The following ZNF709 variants were observed in gnomAD, a reference collection of about 807,000 sequenced individuals.
ZNF709 encodes zinc finger protein 709.
Under a neutral mutation model 10.6 loss-of-function variants are expected in ZNF709, and 15 were observed. The ratio of observed to expected loss-of-function variants is 1.41; its 90% CI spans 0.95 to 2.18. ZNF709 has a LOEUF of 2.18. Ranked by LOEUF, ZNF709 falls within the 30% of genes most tolerant of loss-of-function variation. The probability of loss-of-function intolerance (pLI) is 0.00; values close to 1 mark genes in which losing one functional copy is unlikely to be tolerated. For synonymous variants in ZNF709, 194 were observed against 238.8 expected (o/e 0.81, Z 1.73); for missense variants, 589 against 774.0 (o/e 0.76, Z 2.84).
At chr19:12,478,729 C>T (rs1447374982) in intron 1 of ZNF709, among the ~76,000 whole-genome samples, 2 of 152,212 alleles carry the variant, frequency 1.3e-5, no homozygotes, top group Admixed American at 6.5e-5. Flanking sequence ...AAGAAAGCCT[C>T]CTGGCCTGGG....
intron 1 of ZNF709, among the ~76,000 whole-genome samples, chr19:12,471,687 C>A (rs934592604): frequency 3.9e-5 from 6 of 152,220 alleles, no homozygotes; most frequent in Admixed American, 2.6e-4. Flanking sequence ...GATAGAGCAA[C>A]CATTGTAGGG....
At chr19:12,467,968 G>C (rs1367947610) in intron 1 of ZNF709, among the ~76,000 whole-genome samples, 1 of 150,554 alleles carries the variant, frequency 6.6e-6, no homozygotes. Flanking sequence ...CGCCCCGTCC[G>C]GGAGGGAGGT....
chr19:12,463,806 T>C lies in ZNF709; in HGVS notation c.*190A>G, dbSNP rs1161977202. The C allele has an allele frequency of 2.3e-6, 1 of 428,198 alleles. No individual in the cohort carries two copies. Among genetic ancestry groups the C allele is most frequent in the Non-Finnish European group, 4.0e-6 (1 of 249,632 alleles). 26.5% of individuals were successfully genotyped at this position (428,198 alleles called of 1,614,324 possible). On this transcript the variant is annotated 3_prime_UTR_variant, in exon 4 of 4. Coordinates refer to ENST00000397732, the MANE Select transcript of ZNF709 (RefSeq NM_152601.4). Reference sequence around the variant, plus strand: ...AGTGGGCATGGTCGTTCACACCTGTTGTCCCAGCTACTCAGGAAGCTGAGG... The same window carrying C: ...AGTGGGCATGGTCGTTCACACCTGTCGTCCCAGCTACTCAGGAAGCTGAGG...
At position 12,463,987 on chromosome 19, in the gene ZNF709, T is replaced by C. The variant is rs1340170499; in HGVS notation, c.*9A>G. 1 of 1,402,890 alleles carries C rather than the reference T, an allele frequency of 7.1e-7. No individual in the cohort carries two copies. The highest frequency in any genetic ancestry group is 1.5e-5 in the African/African-American group (1 of 68,620). 86.9% of individuals were successfully genotyped at this position (1,402,890 alleles called of 1,614,324 possible). On this transcript the variant is annotated 3_prime_UTR_variant, in exon 4 of 4. Transcript: ENST00000397732. ...TGAAAACTTTGCCATATTGCTTATA[T>C]ACATAGGGTTACTCTCCACTATGAA...
chr19:12,480,511 G>A (rs181441736), intron 1 of ZNF709, among the ~76,000 whole-genome samples: 90 of 152,058 alleles, frequency 5.9e-4, no homozygotes, highest in African/African-American at 2.0e-3. Flanking sequence ...GTGAAACCCC[G>A]TCTCTACTAA....
intron 1 of ZNF709, among the ~76,000 whole-genome samples, chr19:12,469,699 G>A (rs879300917): frequency 6.6e-6 from 1 of 152,022 alleles, no homozygotes; most frequent in Non-Finnish European, 1.5e-5. Flanking sequence ...AACCTGGGAG[G>A]CAGAGCTTGC....
In ZNF709 at chr19:12,465,711, A is replaced by G. The variant is rs201224320; in HGVS notation, c.211T>C (p.Cys71Arg). 25 of 1,594,396 alleles carry G rather than the reference A, an allele frequency of 1.6e-5. No homozygotes were observed. The highest frequency in any genetic ancestry group is 2.0e-5 in the Non-Finnish European group (24 of 1,173,106). The change falls in exon 4 of 4, where the codon TGT (cysteine) becomes CGT (arginine). Residue 71 changes from cysteine (C) to arginine (R), a missense_variant. By Grantham distance (180) the Cys-to-Arg change is radical. Around this residue, in one of 2 missense-constraint regions of ZNF709, gnomAD observed 418 missense variants for 496.3 expected, o/e 0.84. Coordinates refer to ENST00000397732, the MANE Select transcript of ZNF709 (RefSeq NM_152601.4). ...KLRSHMVERLCERKEGSQFGE... is the reference protein window; with the variant it reads ...KLRSHMVERLRERKEGSQFGE... ...AACTGACTACCTTCTTTCCTTTCAC[A>G]GAGCCTCTCTACCATATGACTTCTG...
At chr19:12,466,372 CTTAT>C (rs752076620) in intron 3 of ZNF709, 86 bp downstream of exon 3, 26 of 1,269,250 alleles carry the variant, frequency 2.0e-5, no homozygotes, top group South Asian at 2.8e-5. Flanking sequence ...TGAAATGGGG[CTTAT>C]TTGTTTCAAT....
rs781441952 is a variant in ZNF709 at position 12,465,576 on chromosome 19, A to G, written c.346T>C (p.Ser116Pro). The change falls in exon 4 of 4, where the codon TCT becomes CCT. Residue 116 changes from serine (S) to proline (P), a missense_variant. Physicochemically the swap from Ser to Pro is moderately conservative, Grantham distance 74. Coordinates refer to ENST00000397732, the MANE Select transcript of ZNF709 (RefSeq NM_152601.4). The part of the protein sequence containing the change: ...VCGKDYMCHS[S>P]LNRHMRSHTE... ...TGAGATCTCATGTGCCTATTAAGAG[A>G]TGAATGACACATATAGTCCTTTCCA... 13 of 1,613,922 alleles carry G rather than the reference A, an allele frequency of 8.1e-6. No homozygotes were observed. The highest frequency in any genetic ancestry group is 1.1e-5 in the Non-Finnish European group (13 of 1,179,988).
intron 1 of ZNF709, among the ~76,000 whole-genome samples, chr19:12,471,436 T>C (rs1027155243): frequency 6.6e-6 from 1 of 152,162 alleles, no homozygotes; most frequent in African/African-American, 2.4e-5. Flanking sequence ...AATAGACTTA[T>C]AAAATTCTAC....
intron 1 of ZNF709, among the ~76,000 whole-genome samples, chr19:12,472,580 C>T (rs955784347): frequency 6.9e-6 from 1 of 144,984 alleles, no homozygotes; most frequent in African/African-American, 2.6e-5. Context: ...GATGACACAC[C>T]ATATATATGA....
At chr19:12,483,408 C>T (rs1970748074) in intron 1 of ZNF709, among the ~76,000 whole-genome samples, 1 of 151,668 alleles carries the variant, frequency 6.6e-6, no homozygotes, top group Admixed American at 6.6e-5. Flanking sequence ...CCTGACTCAG[C>T]CTCCCAAAGT....
rs753066210 is a variant in ZNF709 at position 12,464,772 on chromosome 19, G to A, written c.1150C>T (p.Arg384Ter). ...TAGGGTTTCTCTCCAGTGTGAGTTC[G>A]TTCATGGATTTGAAAAGAACTAGGA... ...DCPSSFQIHE[R>*]THTGEKPYEC... Residue 384 changes from arginine to a stop codon, truncating the protein, a stop_gained, in exon 4 of 4, where the codon CGA becomes TGA. Coordinates refer to ENST00000397732, the MANE Select transcript of ZNF709 (RefSeq NM_152601.4). LOFTEE classifies it low-confidence loss of function (END_TRUNC). 6 of 1,608,986 alleles carry A rather than the reference G, an allele frequency of 3.7e-6. No homozygotes were observed. Among genetic ancestry groups the A allele is most frequent in the Non-Finnish European group, 3.4e-6 (4 of 1,177,950 alleles).
intron 1 of ZNF709, 148 bp from the exon 2 acceptor site, chr19:12,466,998 C>A (rs1431704321): frequency 8.2e-7 from 1 of 1,218,398 alleles, no homozygotes; most frequent in African/African-American, 1.5e-5. Flanking sequence ...ACACTTACTT[C>A]TTCATAAATT....
At chr19:12,481,636 A>G (rs1970727729) in intron 1 of ZNF709, among the ~76,000 whole-genome samples, 1 of 152,162 alleles carries the variant, frequency 6.6e-6, no homozygotes, top group Admixed American at 6.6e-5. Flanking sequence ...CACATATGGA[A>G]TAACATTAAA....
intron 1 of ZNF709, among the ~76,000 whole-genome samples, chr19:12,479,630 G>C (rs1261111136): frequency 6.6e-6 from 1 of 152,134 alleles, no homozygotes; most frequent in African/African-American, 2.4e-5. Context: ...TAGCACTTTG[G>C]GAGACCAAGG....
Position 12,466,641 on chromosome 19 carries a change from C to G in ZNF709, c.130+83G>C, listed in dbSNP as rs117413178. 13,259 of 1,607,848 alleles carry G rather than the reference C, an allele frequency of 8.2e-3. 80 individuals carry two copies. The highest frequency in any genetic ancestry group is 0.023 in the Middle Eastern group (139 of 6,044). On this transcript the variant is annotated intron_variant, in intron 2 of 3. Coordinates refer to ENST00000397732, the MANE Select transcript of ZNF709 (RefSeq NM_152601.4). ...TATTTACCAAAGTATTCCCTTTCAA[C>G]ATTCTAAACCTTGGAACCTTGCTGA...
At chr19:12,473,004 A>G (rs1599634368) in intron 1 of ZNF709, among the ~76,000 whole-genome samples, 1 of 152,266 alleles carries the variant, frequency 6.6e-6, no homozygotes, top group African/African-American at 2.4e-5. Flanking sequence ...ACTCCCAAGT[A>G]TTGATGACCA....
chr19:12,480,662 G>A lies in ZNF709; in HGVS notation c.3+3993C>T, dbSNP rs143871114. ...CGCGCCACTGCACTCTAGCCTGGGC[G>A]ACAGAGCAAGACTCCGTCTCAAAAA... On this transcript the variant is annotated intron_variant, in intron 1 of 3. Transcript: ENST00000397732. 7.6e-3 allele frequency among the ~76,000 whole-genome samples: 1,097 copies of A among 144,536 alleles called. 8 individuals carry two copies. The highest frequency in any genetic ancestry group is 0.048 in the Middle Eastern group (13 of 272). 94.8% of individuals were successfully genotyped at this position (144,536 alleles called of 152,430 possible). A position where few individuals can be genotyped will look rare whatever the true frequency, so the allele number is the denominator to read the frequency against.
Sources: allele counts gnomAD v4.1 joint callset (sites outside exome capture counted in the v4.1 genomes callset), GRCh38; gene constraint gnomAD v4.1.1; regional missense constraint gnomAD v4.1.1; transcripts MANE v1.5; gene names NCBI Gene and HGNC (gene_info 2026-07-23, HGNC 2026-07-21).